Variants in STIMATE observed in about 807,000 individuals in gnomAD.
STIMATE encodes store-operated calcium entry regulator STIMATE.
STIMATE carries 15 observed loss-of-function variants against 36.7 expected under a neutral mutation model. The ratio of observed to expected loss-of-function variants is 0.41; its 90% CI spans 0.27 to 0.63. The LOEUF is 0.63. STIMATE is among the 20% of genes least tolerant of loss of function. The pLI, the probability that STIMATE is intolerant of heterozygous loss-of-function variation, is 0.32. For synonymous variants in STIMATE, 163 were observed against 162.3 expected (o/e 1.00, Z -0.03); for missense variants, 305 against 397.3 (o/e 0.77, Z 1.98).
At chr3:52,844,995 TG>T in intron 4 of STIMATE, 54 bp from the exon 5 acceptor site, 10 of 1,588,834 alleles carry the variant, frequency 6.3e-6, no homozygotes, top group Non-Finnish European at 8.6e-6. Context: ...CTGAGTGAGA[TG>T]ATGTCCCCAC....
At chr3:52,848,946 A>G (rs1450194026) in intron 4 of STIMATE, among the ~76,000 whole-genome samples, 1 of 152,224 alleles carries the variant, frequency 6.6e-6, no homozygotes, top group Non-Finnish European at 1.5e-5. Flanking sequence ...ATTTCTGGAA[A>G]TATCCAAGGT....
intron 4 of STIMATE, 144 bp downstream of exon 4, chr3:52,849,648 G>A (rs1700964578): frequency 5.0e-6 from 7 of 1,405,900 alleles, no homozygotes; most frequent in Non-Finnish European, 6.5e-6. Flanking sequence ...CTCAAACCCA[G>A]AACAGCCCCC....
chr3:52,896,545 T>A (rs1363072419), intron 1 of STIMATE, among the ~76,000 whole-genome samples: 2 of 151,808 alleles, frequency 1.3e-5, no homozygotes, highest in East Asian at 3.9e-4. Context: ...CCAAGTTTAA[T>A]GGAAAAGGAA....
chr3:52,871,364 T>C (rs753539142), intron 1 of STIMATE, among the ~76,000 whole-genome samples: 24 of 152,034 alleles, frequency 1.6e-4, no homozygotes, highest in Non-Finnish European at 3.1e-4. Flanking sequence ...CAGGCCGGAC[T>C]GCTCACGACA....
intron 1 of STIMATE, among the ~76,000 whole-genome samples, chr3:52,866,793 T>C (rs1249047013): frequency 6.6e-6 from 1 of 152,116 alleles, no homozygotes; most frequent in Non-Finnish European, 1.5e-5. Context: ...CACAGAGTGG[T>C]AGAGTAACAA....
At chr3:52,849,934 C>T in intron 3 of STIMATE, 21 bp from the exon 4 acceptor site, 1 of 1,608,990 alleles carries the variant, frequency 6.2e-7, no homozygotes, top group Non-Finnish European at 8.5e-7. Context: ...AGGGCACATG[C>T]ATGGTCACGG....
rs549996220 is a variant in STIMATE at position 52,841,994 on chromosome 3, C to T, written c.768+817G>A. Among the ~76,000 whole-genome samples, 877 of 152,332 alleles carry T rather than the reference C, an allele frequency of 5.8e-3. 5 individuals are homozygous for T. The highest frequency in any genetic ancestry group is 9.3e-3 in the Non-Finnish European group (634 of 68,030). On this transcript the variant is annotated intron_variant, in intron 7 of 7. Coordinates refer to ENST00000355083, the MANE Select transcript of STIMATE (RefSeq NM_198563.5). Reference sequence around the variant, plus strand: ...CTTCCCCTCTGTCCTACTATCTATTCGTCTTCTGAAACTCCCTCCAGGCTG... The same window carrying T: ...CTTCCCCTCTGTCCTACTATCTATTTGTCTTCTGAAACTCCCTCCAGGCTG...
At chr3:52,854,905 C>T (rs1208716359) in intron 2 of STIMATE, among the ~76,000 whole-genome samples, 1 of 152,156 alleles carries the variant, frequency 6.6e-6, no homozygotes, top group African/African-American at 2.4e-5. Flanking sequence ...GGGAAGAAAA[C>T]CCTCATATAT....
At chr3:52,856,683 C>CA (rs750601289) in intron 1 of STIMATE, among the ~76,000 whole-genome samples, 136 of 150,394 alleles carry the variant, frequency 9.0e-4, no homozygotes, top group South Asian at 6.2e-3. Context: ...GACTCTACCT[C>CA]AAAAAAAAGA....
At chr3:52,864,872 C>G (rs1701276634) in intron 1 of STIMATE, among the ~76,000 whole-genome samples, 1 of 152,202 alleles carries the variant, frequency 6.6e-6, no homozygotes. Context: ...TCATCTCCAT[C>G]TGAGACCACC....
Position 52,859,531 on chromosome 3 carries a change from A to AAAATTT in STIMATE, c.161-4088_161-4087insAAATTT, listed in dbSNP as rs748928249. Among the ~76,000 whole-genome samples, 164 of 18,850 alleles carry AAAATTT rather than the reference A, an allele frequency of 8.7e-3. 10 individuals carry two copies. Among genetic ancestry groups the AAAATTT allele is most frequent in the Admixed American group, 0.022 (19 of 858 alleles). 12.4% of individuals were successfully genotyped at this position (18,850 alleles called of 152,430 possible). On this transcript the variant is annotated intron_variant, in intron 1 of 7. Coordinates refer to ENST00000355083, the MANE Select transcript of STIMATE (RefSeq NM_198563.5). ...AAAAAAAAAAAAAAAAAAAAAAAAA[A>AAAATTT]TTTTTTTTTTTTTTTTTTTTTTGCT...
chr3:52,844,214 G>C (rs914927043), intron 5 of STIMATE, among the ~76,000 whole-genome samples: 2 of 152,224 alleles, frequency 1.3e-5, no homozygotes, highest in African/African-American at 4.8e-5. Context: ...ACCCCTAAAA[G>C]ACAACAGCAC....
chr3:52,854,329 C>T (rs1263239513), intron 2 of STIMATE, among the ~76,000 whole-genome samples: 1 of 152,182 alleles, frequency 6.6e-6, no homozygotes. Flanking sequence ...AGGACCAAGT[C>T]ATGATCAGAA....
chr3:52,852,575 T>C (rs1321160952), intron 3 of STIMATE, 28 bp downstream of exon 3: 9 of 1,612,076 alleles, frequency 5.6e-6, no homozygotes, highest in Admixed American at 5.0e-5. Flanking sequence ...GGGCAGCTGA[T>C]GTTTGCACTC....
At chr3:52,856,225 C>G (rs932365531) in intron 1 of STIMATE, among the ~76,000 whole-genome samples, 2 of 152,152 alleles carry the variant, frequency 1.3e-5, no homozygotes, top group African/African-American at 4.8e-5. Flanking sequence ...AGAGAACCTC[C>G]TGGAGGAGCG....
intron 7 of STIMATE, among the ~76,000 whole-genome samples, chr3:52,842,433 T>A (rs1700813479): frequency 6.6e-6 from 1 of 152,262 alleles, no homozygotes; most frequent in South Asian, 2.1e-4. Context: ...TGCTCTTTAG[T>A]GTTGGGCAGA....
intron 1 of STIMATE, among the ~76,000 whole-genome samples, chr3:52,881,500 C>T (rs896690282): frequency 5.3e-5 from 8 of 151,950 alleles, no homozygotes; most frequent in Non-Finnish European, 1.2e-4. Context: ...GTCAGGAGAT[C>T]GAGACCATCC....
intron 1 of STIMATE, among the ~76,000 whole-genome samples, chr3:52,895,630 G>A (rs1055757753): frequency 6.6e-6 from 1 of 152,156 alleles, no homozygotes; most frequent in African/African-American, 2.4e-5. Flanking sequence ...CATTCAACCC[G>A]ATACACTTCT....
chr3:52,885,088 A>G lies in STIMATE; in HGVS notation c.160+12203T>C, dbSNP rs1701669387. 2.6e-5 allele frequency among the ~76,000 whole-genome samples: 4 copies of G among 152,134 alleles called. No homozygotes were observed. The South Asian group carries it at 6.2e-4, about 24-fold the overall frequency. ...CTTCTAATCTTGGTATTGTTCATCA[A>G]TTTTAATTTTAGCCATTCTTGTCTT... is the stretch of plus-strand genomic sequence containing the variant. On this transcript the variant is annotated intron_variant, in intron 1 of 7. Transcript: ENST00000355083.
Sources: gnomAD v4.1 joint callset for allele counts (sites outside exome capture counted in the v4.1 genomes callset) on GRCh38, gnomAD v4.1.1 for gene constraint, MANE v1.5 for transcripts, NCBI Gene and HGNC (gene_info 2026-07-23, HGNC 2026-07-21) for gene names.